CNTRL: variants seen among roughly 807,000 people sequenced by gnomAD.
CNTRL encodes centriolin, also known as 110 kDa centrosomal protein.
In CNTRL, 233 loss-of-function variants were observed where a neutral mutation model predicts 303.7. The ratio of observed to expected loss-of-function variants is 0.77; its 90% confidence interval spans 0.69 to 0.86. CNTRL has a LOEUF of 0.86. CNTRL is among the 40% of genes least tolerant of loss of function. The pLI, the probability that CNTRL is intolerant of heterozygous loss-of-function variation, is 0.00. For synonymous variants in CNTRL, 900 were observed against 922.2 expected (o/e 0.98, Z 0.44); for missense variants, 2,524 against 2,650.6 (o/e 0.95, Z 1.05).
intron 14 of CNTRL, among the ~76,000 whole-genome samples, chr9:121,133,982 A>T (rs1480669460): frequency 6.6e-6 from 1 of 152,224 alleles, no homozygotes; most frequent in Admixed American, 6.5e-5. Context: ...CATGTTTGCC[A>T]GTCTGCTGAG....
intron 4 of CNTRL, among the ~76,000 whole-genome samples, chr9:121,090,814 G>A (rs556625008): frequency 5.3e-5 from 8 of 152,274 alleles, no homozygotes; most frequent in South Asian, 4.1e-4. Context: ...CTTTGTATTC[G>A]TTCATTTTCA....
chr9:121,162,079 A>G lies in CNTRL; in HGVS notation c.5231A>G (p.Gln1744Arg). ...LEEKLELENL[Q>R]QISQQQKGEI... ...GAGAAACTGGAGTTAGAGAATTTGCAGCAGATATCCCAGCAGCAGAAAGGG... is the reference window on the plus strand; with the variant it reads ...GAGAAACTGGAGTTAGAGAATTTGCGGCAGATATCCCAGCAGCAGAAAGGG... The change falls in exon 34 of 44, where the codon CAG becomes CGG. Residue 1744 changes from glutamine (Q) to arginine (R), a missense_variant. Gln to Arg is a conservative substitution (Grantham distance 43). Transcript: ENST00000373855. The G allele has an allele frequency of 6.2e-7, 1 of 1,614,210 alleles. No individual in the cohort carries two copies. Among genetic ancestry groups the G allele is most frequent in the Non-Finnish European group, 8.5e-7 (1 of 1,180,024 alleles).
chr9:121,098,472 C>A lies in CNTRL; in HGVS notation c.708C>A (p.Tyr236Ter). The A allele has an allele frequency of 6.2e-7, 1 of 1,613,742 alleles. No homozygotes were observed. Among genetic ancestry groups the A allele is most frequent in the Non-Finnish European group, 8.5e-7 (1 of 1,179,650 alleles). ...ATCCAGTTGTGACCCTTCCTCATTA[C>A]CTCCAGTTTACCATTTTCCACCTCC... is the stretch of plus-strand genomic sequence containing the variant. ...VENPVVTLPHYLQFTIFHLRS... is the reference protein window; with the variant it reads ...VENPVVTLPH The change falls in exon 7 of 44, where the codon TAC (tyrosine) becomes TAA (stop). Residue 236 changes from tyrosine (Y) to a stop codon, truncating the protein, a stop_gained. Transcript: ENST00000373855. LOFTEE classifies it high-confidence loss of function.
chr9:121,148,661 A>G lies in CNTRL; in HGVS notation c.3460-11A>G, dbSNP rs1270480130. 15 of 1,608,592 alleles carry G rather than the reference A, an allele frequency of 9.3e-6. No homozygotes were observed. The highest frequency in any genetic ancestry group is 1.3e-5 in the Non-Finnish European group (15 of 1,176,322). Reference sequence around the variant, plus strand: ...ATAATAGATAGTGTGCTCTGCTGTCATTTGTTTTAGGTTTCCAGCCATAGT... The same window carrying G: ...ATAATAGATAGTGTGCTCTGCTGTCGTTTGTTTTAGGTTTCCAGCCATAGT... On this transcript the variant is annotated splice_polypyrimidine_tract_variant and intron_variant, in intron 23 of 43. Transcript: ENST00000373855.
In CNTRL at chr9:121,123,980, T is replaced by C. The variant is rs1308608045; in HGVS notation, c.1700T>C (p.Met567Thr). 1 of 1,612,328 alleles carries C rather than the reference T, an allele frequency of 6.2e-7. No homozygotes were observed. Among genetic ancestry groups the C allele is most frequent in the South Asian group, 1.1e-5 (1 of 90,652 alleles). The change falls in exon 13 of 44, where the codon ATG (methionine) becomes ACG (threonine). Residue 567 changes from methionine to threonine, a missense_variant. By Grantham distance (81) the Met-to-Thr change is moderately conservative. Coordinates refer to ENST00000373855, the MANE Select transcript of CNTRL (RefSeq NM_007018.6). ...GGTAAAGAACAACAGCTTGACATTA[T>C]GAACAAGCAGTACCAACAACTTGAA... ...KSGKEQQLDI[M>T]NKQYQQLESR...
chr9:121,177,220 A>G lies in CNTRL; in HGVS notation c.*34A>G, dbSNP rs1478854357. 6.3e-7 allele frequency: 1 copy of G among 1,575,458 alleles called. No homozygotes were observed. Among genetic ancestry groups the G allele is most frequent in the South Asian group, 1.1e-5 (1 of 89,148 alleles). The stretch of plus-strand genomic sequence containing the variant: ...GTCTTGTGTAAATATATTCAAGGAA[A>G]ACACCTCCACTACCTCACTGACTTC... On this transcript the variant is annotated 3_prime_UTR_variant, in exon 44 of 44. Transcript: ENST00000373855.
At chr9:121,152,387 A>AT (rs2052325040) in intron 25 of CNTRL, 98 bp from the exon 26 acceptor site, 1 of 948,914 alleles carries the variant, frequency 1.1e-6, no homozygotes, top group East Asian at 2.4e-5. Flanking sequence ...TGGGCCATTG[A>AT]TACCACTTTA....
At chr9:121,163,308 A>C (rs2052938679) in intron 34 of CNTRL, among the ~76,000 whole-genome samples, 1 of 107,870 alleles carries the variant, frequency 9.3e-6, no homozygotes, top group Non-Finnish European at 2.0e-5. Context: ...TGACAGAGTG[A>C]GACCCTGTTT....
chr9:121,078,914 C>G (rs2048033905), intron 1 of CNTRL, among the ~76,000 whole-genome samples: 1 of 152,226 alleles, frequency 6.6e-6, no homozygotes, highest in Non-Finnish European at 1.5e-5. Flanking sequence ...CTGTGTCCAG[C>G]TTTCTGGAGG....
At chr9:121,158,172 C>G in intron 30 of CNTRL, 63 bp downstream of exon 30, 1 of 1,555,274 alleles carries the variant, frequency 6.4e-7, no homozygotes, top group Non-Finnish European at 8.7e-7. Context: ...AAAAGTAATA[C>G]ATGTTTAATT....
intron 13 of CNTRL, among the ~76,000 whole-genome samples, chr9:121,124,797 C>T (rs1457206667): frequency 6.7e-6 from 1 of 148,408 alleles, no homozygotes; most frequent in African/African-American, 2.4e-5. Context: ...AAAAAATTAG[C>T]CAGGCGTAGT....
intron 11 of CNTRL, among the ~76,000 whole-genome samples, chr9:121,117,373 C>T (rs962289768): frequency 2.7e-5 from 4 of 150,654 alleles, no homozygotes; most frequent in East Asian, 3.8e-4. Flanking sequence ...CACTTCTATA[C>T]AGACTCTTGA....
At chr9:121,153,365 T>C (rs1409878319) in intron 26 of CNTRL, among the ~76,000 whole-genome samples, 1 of 152,210 alleles carries the variant, frequency 6.6e-6, no homozygotes, top group Non-Finnish European at 1.5e-5. Flanking sequence ...CTCACTACTT[T>C]CCTGTGGTTT....
chr9:121,085,751 T>C (rs2048319548), intron 2 of CNTRL, among the ~76,000 whole-genome samples: 2 of 152,220 alleles, frequency 1.3e-5, no homozygotes, highest in African/African-American at 2.4e-5. Context: ...CGAATTCCCT[T>C]TAAGGAAAGG....
At chr9:121,166,273 T>C in intron 36 of CNTRL, 93 bp downstream of exon 36, 2 of 830,298 alleles carry the variant, frequency 2.4e-6, no homozygotes, top group Non-Finnish European at 3.8e-6. Context: ...CTGGTTCCTC[T>C]TCACAACAGC....
rs536711376 is a variant in CNTRL, at chr9:121,155,259, C to T, written c.4365+346C>T. ...TCTTTTATATTTAATTATTTGGGTT[C>T]TGCTACCTGTGTTTTTTTAAATAGG... On this transcript the variant is annotated intron_variant, in intron 27 of 43. Transcript: ENST00000373855. 5.9e-5 allele frequency among the ~76,000 whole-genome samples: 9 copies of T among 152,262 alleles called. No homozygotes were observed. The East Asian group carries it at 1.7e-3, about 29-fold the overall frequency.
Position 121,150,287 on chromosome 9 carries a change from T to C in CNTRL, c.3767T>C (p.Val1256Ala), listed in dbSNP as rs1430347047. The change falls in exon 25 of 44, where the codon GTA (valine) becomes GCA (alanine). Residue 1256 changes from valine (V) to alanine (A), a missense_variant. Val to Ala is a moderately conservative substitution (Grantham distance 64). Coordinates refer to ENST00000373855, the MANE Select transcript of CNTRL (RefSeq NM_007018.6). The stretch of plus-strand genomic sequence containing the variant: ...ACTGTGCTTCCTGATGGTTCTCCTG[T>C]ACCCCAGGGCATGGCCCTGTATGCA... ...MYTVLPDGSP[V>A]PQGMALYAPP... 6.2e-7 allele frequency: 1 copy of C among 1,614,182 alleles called. No individual in the cohort carries two copies. Among genetic ancestry groups the C allele is most frequent in the South Asian group, 1.1e-5 (1 of 91,088 alleles).
chr9:121,077,150 T>A (rs889337722), intron 1 of CNTRL, among the ~76,000 whole-genome samples: 3 of 152,098 alleles, frequency 2.0e-5, no homozygotes, highest in African/African-American at 7.2e-5. Context: ...GACGTAGGAT[T>A]CTGATTATCA....
chr9:121,146,228 A>G lies in CNTRL; in HGVS notation c.3431A>G (p.Tyr1144Cys), dbSNP rs771030192. The G allele has an allele frequency of 1.2e-6, 2 of 1,612,700 alleles. No individual in the cohort carries two copies. Among genetic ancestry groups the G allele is most frequent in the Admixed American group, 3.4e-5 (2 of 59,648 alleles). ...ADPFKRRGYW[Y>C]FMPPPPSSKV... ...CCTTTCAAAAGACGAGGCTATTGGTACTTTATGCCACCACCACCATCATCA... is the reference window on the plus strand; with the variant it reads ...CCTTTCAAAAGACGAGGCTATTGGTGCTTTATGCCACCACCACCATCATCA... The change falls in exon 23 of 44, where the codon TAC becomes TGC. Residue 1144 changes from tyrosine to cysteine, a missense_variant. By Grantham distance (194) the Tyr-to-Cys change is radical. Transcript: ENST00000373855.
Sources: gnomAD v4.1 joint callset for allele counts (sites outside exome capture counted in the v4.1 genomes callset) on GRCh38, gnomAD v4.1.1 for gene constraint, MANE v1.5 for transcripts, NCBI Gene and HGNC (gene_info 2026-07-23, HGNC 2026-07-21) for gene names.